Variants in ASRGL1 observed in about 807,000 individuals in gnomAD.
The protein encoded by ASRGL1 is asparaginase and isoaspartyl peptidase 1.
A neutral mutation model predicts 22.4 loss-of-function variants in ASRGL1; 16 were observed. The observed-to-expected ratio is 0.71, with a 90% CI of 0.48 to 1.08. The LOEUF is 1.08. Among genes scored for constraint, ASRGL1 ranks in the 50% least tolerant of loss-of-function variants. The pLI is 0.00. For missense variants in ASRGL1, 412 were observed against 410.1 expected (o/e 1.00, Z -0.04); for synonymous variants, 165 against 159.3 (o/e 1.04, Z -0.27).
In ASRGL1 at chr11:62,371,555, G is replaced by A. The variant is rs772913296; in HGVS notation, c.491+14411G>A. The A allele has an allele frequency of 1.3e-3, 912 of 704,096 alleles. 6 individuals carry two copies. The highest frequency in any genetic ancestry group is 1.6e-3 in the Middle Eastern group (6 of 3,798). 43.6% of individuals were successfully genotyped at this position (704,096 alleles called of 1,614,324 possible). A position where few individuals can be genotyped will look rare whatever the true frequency, so the allele number is the denominator to read the frequency against. On this transcript the variant is annotated intron_variant, in intron 4 of 6. Coordinates refer to ENST00000415229, the MANE Select transcript of ASRGL1 (RefSeq NM_001083926.2). The stretch of plus-strand genomic sequence containing the variant: ...CCATTCTCTAATCTCAAGTACCCAG[G>A]GACACAATACACTGCGGAAGGCCAC...
chr11:62,348,715 A>T (rs1415079776), intron 2 of ASRGL1, among the ~76,000 whole-genome samples: 1 of 151,940 alleles, frequency 6.6e-6, no homozygotes, highest in Non-Finnish European at 1.5e-5. Context: ...AGAAAAAAAA[A>T]AAGAAATGTA....
chr11:62,380,119 T>A (rs1354391045), intron 4 of ASRGL1, among the ~76,000 whole-genome samples: 1 of 152,156 alleles, frequency 6.6e-6, no homozygotes, highest in Non-Finnish European at 1.5e-5. Context: ...ACTCCCATTA[T>A]TGCTTGAGCC....
chr11:62,340,891 A>G (rs1945846893), intron 2 of ASRGL1, among the ~76,000 whole-genome samples: 1 of 152,236 alleles, frequency 6.6e-6, no homozygotes, highest in African/African-American at 2.4e-5. Flanking sequence ...AGTGGCAGTA[A>G]TTAGCATTCA....
chr11:62,356,086 T>G (rs1162735341), intron 2 of ASRGL1, among the ~76,000 whole-genome samples: 2 of 152,184 alleles, frequency 1.3e-5, no homozygotes, highest in African/African-American at 4.8e-5. Flanking sequence ...CCCCTTTCTA[T>G]TCCACAAAAC....
intron 4 of ASRGL1, among the ~76,000 whole-genome samples, chr11:62,366,800 T>C (rs1482106738): frequency 1.3e-5 from 2 of 152,202 alleles, no homozygotes; most frequent in Non-Finnish European, 2.9e-5. Context: ...TACAAGCCAC[T>C]GTACCTGGCT....
intron 6 of ASRGL1, 118 bp from the exon 7 acceptor site, chr11:62,391,961 G>A: frequency 8.4e-7 from 1 of 1,189,430 alleles, no homozygotes; most frequent in African/African-American, 1.5e-5. Context: ...TAAGCATTCA[G>A]GCGTTCATTT....
At chr11:62,388,822 C>G (rs1304644736) in intron 4 of ASRGL1, among the ~76,000 whole-genome samples, 1 of 152,078 alleles carries the variant, frequency 6.6e-6, no homozygotes, top group Non-Finnish European at 1.5e-5. Context: ...GTTTGAGAAG[C>G]ACTCTTACTT....
At position 62,392,469 on chromosome 11, in the gene ASRGL1, C is replaced by T. The variant is rs909546227; in HGVS notation, c.*185C>T. 1.5e-5 allele frequency: 10 copies of T among 687,574 alleles called. No individual in the cohort carries two copies. Among genetic ancestry groups the T allele is most frequent in the East Asian group, 1.1e-4 (4 of 36,360 alleles). The allele number at this position is 687,574 out of a possible 1,614,324, so 42.6% of individuals were successfully genotyped here. A position where few individuals can be genotyped will look rare whatever the true frequency, so the allele number is the denominator to read the frequency against. On this transcript the variant is annotated 3_prime_UTR_variant, in exon 7 of 7. Transcript: ENST00000415229. ...GTTCTGAAGCGATGAGAGAAATGCC[C>T]GTATTAGGAGGATTACTTGAGCCCA...
intron 4 of ASRGL1, among the ~76,000 whole-genome samples, chr11:62,377,172 G>T (rs1237090899): frequency 6.6e-6 from 1 of 152,176 alleles, no homozygotes; most frequent in Non-Finnish European, 1.5e-5. Flanking sequence ...GTGCTTTTAT[G>T]AATGCAGATG....
At chr11:62,372,215 G>A in intron 4 of ASRGL1, 1 of 1,250,052 alleles carries the variant, frequency 8.0e-7, no homozygotes, top group African/African-American at 1.5e-5. Flanking sequence ...TCTCAGCCAC[G>A]AAGTGATTGT....
intron 2 of ASRGL1, among the ~76,000 whole-genome samples, chr11:62,343,270 C>T (rs894467224): frequency 6.8e-6 from 1 of 148,094 alleles, no homozygotes; most frequent in African/African-American, 2.5e-5. Flanking sequence ...CCCAGCTGCT[C>T]GGGAAGCTGA....
intron 4 of ASRGL1, chr11:62,372,225 T>G (rs1946791244): frequency 7.7e-7 from 1 of 1,301,464 alleles, no homozygotes; most frequent in African/African-American, 1.5e-5. Flanking sequence ...GAAGTGATTG[T>G]GTGCAGCGTG....
intron 2 of ASRGL1, among the ~76,000 whole-genome samples, chr11:62,345,279 G>C (rs971363330): frequency 6.6e-6 from 1 of 151,984 alleles, no homozygotes; most frequent in African/African-American, 2.4e-5. Flanking sequence ...GATTTTTGAG[G>C]AACTCAGGGT....
chr11:62,398,833 G>A, the ASRGL1 span, among the ~76,000 whole-genome samples: 1 of 152,126 alleles, frequency 6.6e-6, no homozygotes, highest in African/African-American at 2.4e-5. Flanking sequence ...ATGACTAAAA[G>A]TCCATCACTT....
intron 2 of ASRGL1, among the ~76,000 whole-genome samples, chr11:62,353,033 TC>T (rs1946202989): frequency 6.6e-6 from 1 of 152,172 alleles, no homozygotes; most frequent in Non-Finnish European, 1.5e-5. Context: ...ACCCATTTTC[TC>T]CTCCCATCTA....
chr11:62,341,955 C>T (rs957362190), intron 2 of ASRGL1, among the ~76,000 whole-genome samples: 2 of 151,966 alleles, frequency 1.3e-5, no homozygotes, highest in African/African-American at 2.4e-5. Context: ...AAATAGTATT[C>T]GAACATTAAT....
At chr11:62,344,821 T>C (rs771011134) in intron 2 of ASRGL1, among the ~76,000 whole-genome samples, 33 of 152,196 alleles carry the variant, frequency 2.2e-4, no homozygotes, top group Non-Finnish European at 3.5e-4. Flanking sequence ...CTAACTCATA[T>C]TCATTCTATT....
rs762947924 is a variant in ASRGL1, at chr11:62,391,509, C to G, written c.611-13C>G. 3.1e-6 allele frequency: 5 copies of G among 1,604,044 alleles called. No homozygotes were observed. The Admixed American group carries it at 6.8e-5, about 22-fold the overall frequency. ...GACTGTTACTGCTCAGAACAATCAC[C>G]CTTTTTGAGCAGGAGCTGGAGGTTA... On this transcript the variant is annotated splice_polypyrimidine_tract_variant and intron_variant, in intron 5 of 6. Transcript: ENST00000415229.
chr11:62,337,768 G>A, intron 1 of ASRGL1, 122 bp from the exon 2 acceptor site: 1 of 502,130 alleles, frequency 2.0e-6, no homozygotes. Context: ...CGGGGGCGGA[G>A]AGGAACGCGG....
Sources: gnomAD v4.1 joint callset for allele counts (sites outside exome capture counted in the v4.1 genomes callset) on GRCh38, gnomAD v4.1.1 for gene constraint, MANE v1.5 for transcripts, NCBI Gene and HGNC (gene_info 2026-07-23, HGNC 2026-07-21) for gene names.